The following PASD1 variants were observed in gnomAD, a reference collection of about 807,000 sequenced individuals.
PASD1 encodes the protein circadian clock protein PASD1.
In PASD1, 13 loss-of-function variants were observed where a neutral mutation model predicts 58.8. The ratio of observed to expected loss-of-function variants is 0.22; its 90% CI spans 0.14 to 0.35. The LOEUF (loss-of-function observed/expected upper bound fraction) is 0.35, where lower values mean the gene tolerates loss of function less well. Among genes scored for constraint, PASD1 ranks in the 10% least tolerant of loss-of-function variants. The pLI is 1.00. For missense variants in PASD1, 734 were observed against 568.3 expected, an observed-to-expected ratio of 1.29 and a Z score of -2.96; for synonymous variants, 236 against 216.7, an observed-to-expected ratio of 1.09 and a Z score of -0.78.
intron 8 of PASD1, among the ~76,000 whole-genome samples, chrX:151,641,332 C>G (rs192515240): frequency 1.9e-3 from 214 of 111,169 alleles, no homozygotes; most frequent in Non-Finnish European, 3.6e-3. Context: ...TACCATACAG[C>G]TAAAAGAAGA....
chrX:151,669,585 A>T (rs1421358821), intron 11 of PASD1, among the ~76,000 whole-genome samples: 1 of 109,905 alleles, frequency 9.1e-6, no homozygotes, highest in East Asian at 2.8e-4. Context: ...CCACCATTCT[A>T]CTCTCCACCT....
At chrX:151,619,303 C>T (rs1337129343) in intron 4 of PASD1, among the ~76,000 whole-genome samples, 1 of 111,453 alleles carries the variant, frequency 9.0e-6, no homozygotes, top group African/African-American at 3.3e-5. Context: ...CATATTTTGT[C>T]AAAGAAAAGA....
intron 3 of PASD1, among the ~76,000 whole-genome samples, chrX:151,605,406 G>A (rs1250441882): frequency 1.8e-5 from 2 of 111,204 alleles, no homozygotes; most frequent in Non-Finnish European, 3.8e-5. Flanking sequence ...TATCCGTCCA[G>A]TCCCTTTTCT....
rs377412480 is a variant in PASD1, at chrX:151,621,530, A to G, written c.356A>G (p.His119Arg). 228 of 1,206,110 alleles carry G rather than the reference A, an allele frequency of 1.9e-4. 1 individual carries two copies. The highest frequency in any genetic ancestry group is 2.3e-4 in the Non-Finnish European group (208 of 893,333). The part of the protein sequence containing the change: ...CCHLKRGNVE[H>R]GDSSAYENVK... ...CATTTAAAAAGAGGAAATGTCGAAC[A>G]TGGTGATAGTTCTGCTTACGAAAAC... is the stretch of plus-strand genomic sequence containing the variant. Residue 119 changes from histidine (H) to arginine (R), a missense_variant, in exon 6 of 16, where the codon CAT (histidine) becomes CGT (arginine). By Grantham distance (29) the His-to-Arg change is conservative. Transcript: ENST00000370357.
chrX:151,623,185 G>T, intron 7 of PASD1, 121 bp downstream of exon 7: 1 of 790,009 alleles, frequency 1.3e-6, no homozygotes, highest in Non-Finnish European at 1.7e-6. Flanking sequence ...TGTGTGCAGA[G>T]GGTTGTGCTG....
At position 151,676,494 on chromosome X, in the gene PASD1, A is replaced by T. The variant is rs1014565746; in HGVS notation, c.*351A>T. On this transcript the variant is annotated 3_prime_UTR_variant, in exon 16 of 16. Coordinates refer to ENST00000370357, the MANE Select transcript of PASD1 (RefSeq NM_173493.3). ...CTGCTCAAAGTTTTCAACATAAAGA[A>T]TAAAGAAAAAAAAATGCCAAAGTGC... The T allele has an allele frequency of 2.4e-5, 4 of 163,986 alleles. No individual in the cohort carries two copies. The highest frequency in any genetic ancestry group is 4.6e-5 in the Non-Finnish European group (4 of 87,280). The allele number at this position is 163,986 out of a possible 1,213,427, so 13.5% of individuals were successfully genotyped here. A position where few individuals can be genotyped will look rare whatever the true frequency, so the allele number is the denominator to read the frequency against.
At chrX:151,589,248 G>A (rs2013213799) in intron 1 of PASD1, among the ~76,000 whole-genome samples, 1 of 111,293 alleles carries the variant, frequency 9.0e-6, no homozygotes, top group African/African-American at 3.3e-5. Flanking sequence ...TAGGTGCCAT[G>A]ATACCCTGAC....
At position 151,672,340 on chromosome X, in the gene PASD1, T is replaced by C. The variant is rs1262525623; in HGVS notation, c.1595T>C (p.Leu532Pro). ...CAGAAAATGCAGGAGAAGAAGAAGC[T>C]GCAGGAGCAGAGGCGGCAAAAGAAG... ...QEQKMQEKKK[L>P]QEQRRQKKKK... Residue 532 changes from leucine to proline, a missense_variant, in exon 14 of 16, where the codon CTG becomes CCG. Transcript: ENST00000370357. 3.8e-5 allele frequency: 45 copies of C among 1,180,235 alleles called. No homozygotes were observed. Among genetic ancestry groups the C allele is most frequent in the Non-Finnish European group, 4.3e-5 (38 of 880,552 alleles).
chrX:151,591,255 G>T (rs1669562001), intron 1 of PASD1, among the ~76,000 whole-genome samples: 1 of 111,899 alleles, frequency 8.9e-6, no homozygotes, highest in African/African-American at 3.2e-5. Flanking sequence ...AGCCAATGAT[G>T]AATTAAATCC....
intron 1 of PASD1, among the ~76,000 whole-genome samples, chrX:151,598,889 A>G (rs1232956401): frequency 1.8e-5 from 2 of 110,303 alleles, no homozygotes; most frequent in Non-Finnish European, 3.8e-5. Flanking sequence ...TGGCAGGGTC[A>G]TAGGACAATA....
chrX:151,633,367 A>G (rs910872392), intron 8 of PASD1, among the ~76,000 whole-genome samples: 6 of 111,641 alleles, frequency 5.4e-5, no homozygotes, highest in African/African-American at 2.0e-4. Context: ...AGATAAGGAA[A>G]GGAGTTGGGG....
At position 151,611,445 on chromosome X, in the gene PASD1, G is replaced by A. The variant is rs188120556; in HGVS notation, c.118-219G>A. ...GGTGTACATTGAAATTTGTTTAAGTGACACATCATTTGATAAACATTTCAT... is the reference window on the plus strand; with the variant it reads ...GGTGTACATTGAAATTTGTTTAAGTAACACATCATTTGATAAACATTTCAT... On this transcript the variant is annotated intron_variant, in intron 3 of 15. Coordinates refer to ENST00000370357, the MANE Select transcript of PASD1 (RefSeq NM_173493.3). 1.3e-4 allele frequency among the ~76,000 whole-genome samples: 15 copies of A among 112,190 alleles called. No homozygotes were observed. The East Asian group carries it at 4.2e-3, about 31-fold the overall frequency.
chrX:151,654,225 C>T (rs929416092), intron 9 of PASD1, among the ~76,000 whole-genome samples: 1 of 109,897 alleles, frequency 9.1e-6, no homozygotes, highest in African/African-American at 3.3e-5. Context: ...CCACCTCAGC[C>T]TCCCAAAGTG....
At chrX:151,639,161 T>C (rs1452442791) in intron 8 of PASD1, among the ~76,000 whole-genome samples, 2 of 112,641 alleles carry the variant, frequency 1.8e-5, no homozygotes, top group African/African-American at 6.4e-5. Flanking sequence ...GTAGAGCCTT[T>C]GCACAAGTTT....
chrX:151,676,206 A>G lies in PASD1; in HGVS notation c.*63A>G. The G allele has an allele frequency of 1.8e-6, 2 of 1,094,471 alleles. No homozygotes were observed. The highest frequency in any genetic ancestry group is 2.5e-6 in the Non-Finnish European group (2 of 812,163). 90.2% of individuals were successfully genotyped at this position (1,094,471 alleles called of 1,213,427 possible). A position where few individuals can be genotyped will look rare whatever the true frequency, so the allele number is the denominator to read the frequency against. On this transcript the variant is annotated 3_prime_UTR_variant, in exon 16 of 16. Coordinates refer to ENST00000370357, the MANE Select transcript of PASD1 (RefSeq NM_173493.3). ...GAGGGGGCAGGCCAATGAGGTCTGC[A>G]TGGCCAGGGGACCTTCAAGGTGCGT...
chrX:151,593,224 GTTTATTTTTTTAT>G (rs2124242947), intron 1 of PASD1, among the ~76,000 whole-genome samples: 1 of 110,392 alleles, frequency 9.1e-6, no homozygotes, highest in South Asian at 3.9e-4. Context: ...AGTTATTTAA[GTTTATTTTTTTAT>G]TTTATTTTTT....
chrX:151,600,331 G>C (rs1298677563), intron 1 of PASD1, among the ~76,000 whole-genome samples: 1 of 109,557 alleles, frequency 9.1e-6, no homozygotes, highest in Non-Finnish European at 1.9e-5. Flanking sequence ...GAGGGGGAGG[G>C]GGAGAGATTA....
intron 1 of PASD1, among the ~76,000 whole-genome samples, chrX:151,575,229 G>C (rs1026767844): frequency 2.8e-5 from 3 of 107,895 alleles, no homozygotes; most frequent in Admixed American, 1.0e-4. Context: ...TGGCGGGGGT[G>C]GGGGGAGGTG....
intron 1 of PASD1, among the ~76,000 whole-genome samples, chrX:151,574,641 C>G (rs772927833): frequency 4.5e-5 from 5 of 111,962 alleles, no homozygotes. Flanking sequence ...TTTTGCCAAA[C>G]ATCAGAAACA....
Sources: allele counts gnomAD v4.1 joint callset (sites outside exome capture counted in the v4.1 genomes callset), GRCh38; gene constraint gnomAD v4.1.1; transcripts MANE v1.5; gene names NCBI Gene and HGNC (gene_info 2026-07-23, HGNC 2026-07-21).